Variants in MPC1 observed in about 807,000 individuals in gnomAD.
The protein encoded by MPC1 is mitochondrial pyruvate carrier 1.
Under a neutral mutation model 13.9 loss-of-function variants are expected in MPC1, and 6 were observed. The observed-to-expected ratio is 0.43, with a 90% CI of 0.24 to 0.85. The LOEUF is 0.85. MPC1 is among the 40% of genes least tolerant of loss of function. The pLI, the probability that MPC1 is intolerant of heterozygous loss-of-function variation, is 0.24. For synonymous variants in MPC1, 47 were observed against 50.5 expected, an observed-to-expected ratio of 0.93 and a Z score of 0.29; for missense variants, 115 against 143.3, an observed-to-expected ratio of 0.80 and a Z score of 1.01.
chr6:166,370,603 C>T lies in MPC1; in HGVS notation c.72-382G>A, dbSNP rs561141962. Among the ~76,000 whole-genome samples the T allele has an allele frequency of 1.0e-3, 153 of 152,322 alleles. 3 individuals are homozygous for T. The South Asian group carries it at 0.03, about 30-fold the overall frequency. ...GGACAGTGGCTTATGCCTGTAATCCCAGCACTCTGGGAGGCTAAGGCAGGA... is the reference window on the plus strand; with the variant it reads ...GGACAGTGGCTTATGCCTGTAATCCTAGCACTCTGGGAGGCTAAGGCAGGA... On this transcript the variant is annotated intron_variant, in intron 1 of 4. Transcript: ENST00000360961.
intron 1 of MPC1, among the ~76,000 whole-genome samples, chr6:166,373,271 A>T (rs1779448751): frequency 1.3e-5 from 2 of 152,024 alleles, no homozygotes; most frequent in Admixed American, 1.3e-4. Flanking sequence ...CAGTAGTTTC[A>T]CTCTCTAAAA....
At chr6:166,369,486 A>G (rs1338754091) in intron 2 of MPC1, 2 of 157,384 alleles carry the variant, frequency 1.3e-5, no homozygotes, top group Non-Finnish European at 2.9e-5. Flanking sequence ...GTTAAGAACT[A>G]TACATACACT....
intron 1 of MPC1, among the ~76,000 whole-genome samples, chr6:166,374,761 G>A (rs180939455): frequency 2.6e-4 from 39 of 152,284 alleles, no homozygotes; most frequent in Admixed American, 2.0e-3. Context: ...ACTTCTGGGC[G>A]TCTACTTCCG....
chr6:166,370,112 G>A (rs767172704), intron 2 of MPC1, 106 bp downstream of exon 2: 5 of 772,426 alleles, frequency 6.5e-6, no homozygotes, highest in African/African-American at 3.4e-5. Context: ...CAGCCATGGC[G>A]GCTAGAAAGG....
Position 166,365,312 on chromosome 6 carries a change from T to C in MPC1, c.*117A>G. 1 of 783,304 alleles carries C rather than the reference T, an allele frequency of 1.3e-6. No individual in the cohort carries two copies. Among genetic ancestry groups the C allele is most frequent in the Non-Finnish European group, 1.8e-6 (1 of 543,894 alleles). 48.5% of individuals were successfully genotyped at this position (783,304 alleles called of 1,614,324 possible). A position where few individuals can be genotyped will look rare whatever the true frequency, so the allele number is the denominator to read the frequency against. On this transcript the variant is annotated 3_prime_UTR_variant, in exon 5 of 5. Coordinates refer to ENST00000360961, the MANE Select transcript of MPC1 (RefSeq NM_016098.4). This position sits in a 1 kb window ranked among gnomAD's most constrained non-coding sequence, Gnocchi z 4.2. ...AGCTATTTCTATAAAAATAGAATGG[T>C]TAGTAAAAATAGCATTCAGTGTATT...
chr6:166,376,654 C>T (rs1296545485), intron 1 of MPC1, among the ~76,000 whole-genome samples: 1 of 152,244 alleles, frequency 6.6e-6, no homozygotes, highest in African/African-American at 2.4e-5. Flanking sequence ...GTAAAGTTGA[C>T]ACCTAAAATT....
chr6:166,370,781 T>G (rs1779349554), intron 1 of MPC1, among the ~76,000 whole-genome samples: 3 of 151,882 alleles, frequency 2.0e-5, no homozygotes, highest in Admixed American at 2.0e-4. Context: ...CAGTGAGGTA[T>G]GATCACACCA....
In MPC1 at chr6:166,369,502, C is replaced by T. The variant is rs150139200; in HGVS notation, c.75+716G>A. 4.6e-4 allele frequency: 73 copies of T among 158,604 alleles called. 1 individual carries two copies. The highest frequency in any genetic ancestry group is 1.4e-3 in the African/African-American group (58 of 41,658). 9.8% of individuals were successfully genotyped at this position (158,604 alleles called of 1,614,324 possible). On this transcript the variant is annotated intron_variant, in intron 2 of 4. Coordinates refer to ENST00000360961, the MANE Select transcript of MPC1 (RefSeq NM_016098.4). The stretch of plus-strand genomic sequence containing the variant: ...TTAAGAACTATACATACACTTATGA[C>T]TGTAAGTGTTGAGCTATACTGAAAA...
chr6:166,371,347 A>G (rs1779374163), intron 1 of MPC1, among the ~76,000 whole-genome samples: 1 of 152,228 alleles, frequency 6.6e-6, no homozygotes, highest in African/African-American at 2.4e-5. Flanking sequence ...GCTGTTTTCC[A>G]GAATGTTAAA....
intron 1 of MPC1, among the ~76,000 whole-genome samples, chr6:166,375,796 G>A (rs888875832): frequency 1.3e-5 from 2 of 152,056 alleles, no homozygotes; most frequent in Admixed American, 6.6e-5. Flanking sequence ...TGTTCTATTC[G>A]CCAGAATATA....
At chr6:166,380,913 T>C (rs1977055) in intron 1 of MPC1, among the ~76,000 whole-genome samples, 109,746 of 141,714 alleles carry the variant, frequency 0.77, 42,390 homozygotes, top group East Asian at 0.96. Context: ...CACTCCAGCC[T>C]GGGCAACAAG....
chr6:166,368,836 C>T (rs1779269682), intron 2 of MPC1: 1 of 985,624 alleles, frequency 1.0e-6, no homozygotes, highest in Non-Finnish European at 1.2e-6. Flanking sequence ...GGCCTTTCTC[C>T]ACTTGGTCTA....
chr6:166,382,251 C>T (rs550284147), intron 1 of MPC1, among the ~76,000 whole-genome samples: 13 of 152,126 alleles, frequency 8.5e-5, no homozygotes, highest in African/African-American at 2.4e-4. Context: ...GAGAGGCGTC[C>T]CCATGGTCAC....
intron 1 of MPC1, among the ~76,000 whole-genome samples, chr6:166,379,648 C>T (rs192969509): frequency 8.5e-5 from 13 of 152,236 alleles, no homozygotes; most frequent in African/African-American, 3.1e-4. Context: ...AATTCTAGAA[C>T]AGCTTTAGTT....
At chr6:166,368,025 T>A (rs1779226283) in intron 2 of MPC1, among the ~76,000 whole-genome samples, 1 of 152,234 alleles carries the variant, frequency 6.6e-6, no homozygotes. Flanking sequence ...AGTTCCCACA[T>A]AGCCATCACC....
Position 166,380,688 on chromosome 6 carries a change from C to G in MPC1, c.71+2118G>C, listed in dbSNP as rs562397706. Reference sequence around the variant, plus strand: ...GCATGGTGGCTCACACCTGCTAACCCCAGCACTTTGGGAGGCCGAGGTGGG... The same window carrying G: ...GCATGGTGGCTCACACCTGCTAACCGCAGCACTTTGGGAGGCCGAGGTGGG... On this transcript the variant is annotated intron_variant, in intron 1 of 4. Coordinates refer to ENST00000360961, the MANE Select transcript of MPC1 (RefSeq NM_016098.4). 2.5e-4 allele frequency among the ~76,000 whole-genome samples: 38 copies of G among 152,108 alleles called. No individual in the cohort carries two copies. The Middle Eastern group carries it at 0.01, about 41-fold the overall frequency.
intron 2 of MPC1, 111 bp downstream of exon 2, chr6:166,370,107 A>G (rs1562458080): frequency 1.3e-6 from 1 of 770,030 alleles, no homozygotes; most frequent in Non-Finnish European, 2.4e-6. Flanking sequence ...CCTGCCAGCC[A>G]TGGCGGCTAG....
At chr6:166,382,715 T>A in intron 1 of MPC1, 91 bp downstream of exon 1, 1 of 1,347,626 alleles carries the variant, frequency 7.4e-7, no homozygotes, top group Non-Finnish European at 9.9e-7. Context: ...GGCCACCGCG[T>A]CCTCGCGGCC....
In MPC1 at chr6:166,370,179, T is replaced by C. The variant is rs779756727; in HGVS notation, c.75+39A>G. The C allele has an allele frequency of 6.4e-6, 5 of 780,848 alleles. No individual in the cohort carries two copies. In the East Asian group the frequency reaches 9.7e-5, roughly 15 times the overall value. The allele number at this position is 780,848 out of a possible 1,614,324, so 48.4% of individuals were successfully genotyped here. On this transcript the variant is annotated intron_variant, in intron 2 of 4. Coordinates refer to ENST00000360961, the MANE Select transcript of MPC1 (RefSeq NM_016098.4). ...CCCCTAACTCTGTTAATGCAGAAAG[T>C]CTGCAAAAGCCTGAAATGGATGGAA...
Sources: allele counts gnomAD v4.1 joint callset (sites outside exome capture counted in the v4.1 genomes callset), GRCh38; gene constraint gnomAD v4.1.1; non-coding constraint Gnocchi (gnomAD v3.1); transcripts MANE v1.5; gene names NCBI Gene and HGNC (gene_info 2026-07-23, HGNC 2026-07-21).